Variants in ARHGAP32 observed in about 807,000 individuals in gnomAD.
ARHGAP32 encodes Rho GTPase activating protein 32.
ARHGAP32 carries 51 observed loss-of-function variants against 186.5 expected under a neutral mutation model. That is an observed-to-expected ratio of 0.27 (90% CI 0.22 to 0.35). The LOEUF is 0.35. ARHGAP32 is among the 10% of genes least tolerant of loss of function. ARHGAP32 has a pLI of 1.00. For synonymous variants in ARHGAP32, 950 were observed against 964.3 expected, an observed-to-expected ratio of 0.99 and a Z score of 0.27; for missense variants, 2,186 against 2,623.5, an observed-to-expected ratio of 0.83 and a Z score of 3.64.
At chr11:129,177,082 C>G (rs1287707262) in intron 1 of ARHGAP32, among the ~76,000 whole-genome samples, 1 of 150,980 alleles carries the variant, frequency 6.6e-6, no homozygotes, top group East Asian at 1.9e-4. Flanking sequence ...CAAATAGACG[C>G]AATAAAAAAT....
intron 1 of ARHGAP32, among the ~76,000 whole-genome samples, chr11:129,254,628 T>C (rs191886621): frequency 3.6e-4 from 55 of 152,244 alleles, no homozygotes; most frequent in Middle Eastern, 6.8e-3. Context: ...TAATTAATTC[T>C]TCCAAATAGA....
In ARHGAP32 at chr11:129,230,999, G is replaced by T. The variant is rs187783496; in HGVS notation, c.-5+48147C>A. On this transcript the variant is annotated intron_variant, in intron 1 of 6. Transcript: ENST00000525234. ...AAAATACAAAAATTAGCCGGCCATG[G>T]TGGTGGGTGCCTGTAATCCCAGCTA... is the stretch of plus-strand genomic sequence containing the variant. Among the ~76,000 whole-genome samples the T allele has an allele frequency of 2.5e-3, 383 of 152,194 alleles. 3 individuals are homozygous for T. The highest frequency in any genetic ancestry group is 8.8e-3 in the African/African-American group (366 of 41,504).
intron 12 of ARHGAP32, among the ~76,000 whole-genome samples, chr11:128,994,208 G>A (rs1231599606): frequency 6.6e-6 from 1 of 151,370 alleles, no homozygotes; most frequent in Non-Finnish European, 1.5e-5. Flanking sequence ...AGACTGGAGT[G>A]CAATAGCATG....
At chr11:129,181,379 C>T (rs955847955) in intron 1 of ARHGAP32, among the ~76,000 whole-genome samples, 14 of 152,134 alleles carry the variant, frequency 9.2e-5, no homozygotes, top group African/African-American at 2.4e-4. Flanking sequence ...GAGATATGTC[C>T]GAAGTGCTCA....
In ARHGAP32 at chr11:129,123,040, A is replaced by G. The variant is rs1163280881; in HGVS notation, c.444+406T>C. On this transcript the variant is annotated intron_variant, in intron 5 of 22. Coordinates refer to ENST00000682385, the MANE Select transcript of ARHGAP32 (RefSeq NM_001378024.1). The surrounding 1 kb of genome is among the most constrained non-coding windows in gnomAD (Gnocchi z 4.6). ...TTTGTATGTGAATGAAAAGGCAGTA[A>G]CAGTAAAAACATTTCTGAAAAAGAA... Among the ~76,000 whole-genome samples the G allele has an allele frequency of 6.6e-6, 1 of 152,136 alleles. No individual in the cohort carries two copies.
At chr11:129,039,757 G>A (rs575753808) in intron 11 of ARHGAP32, among the ~76,000 whole-genome samples, 12 of 152,210 alleles carry the variant, frequency 7.9e-5, no homozygotes, top group East Asian at 7.7e-4. Context: ...AAATAACGCC[G>A]TATTTTTAAA....
At chr11:128,998,636 TA>T (rs1946265115) in intron 11 of ARHGAP32, among the ~76,000 whole-genome samples, 168 bp from the exon 12 acceptor site, 1 of 152,230 alleles carries the variant, frequency 6.6e-6, no homozygotes, top group Non-Finnish European at 1.5e-5. Flanking sequence ...AGTTGTGTTA[TA>T]AATAACATCA....
intron 2 of ARHGAP32, among the ~76,000 whole-genome samples, chr11:129,145,779 C>A (rs939921689): frequency 2.0e-5 from 3 of 152,114 alleles, no homozygotes; most frequent in Non-Finnish European, 4.4e-5. Context: ...CTCCAACTAT[C>A]AGAGTTCTCA....
chr11:129,058,274 T>A (rs1178772049), intron 10 of ARHGAP32, among the ~76,000 whole-genome samples: 6 of 151,862 alleles, frequency 4.0e-5, no homozygotes, highest in Admixed American at 2.0e-4. Context: ...ATCATATATA[T>A]GTGATTATTT....
chr11:129,054,415 C>G (rs959674343), intron 10 of ARHGAP32, among the ~76,000 whole-genome samples: 25 of 152,256 alleles, frequency 1.6e-4, no homozygotes, highest in African/African-American at 6.0e-4. Context: ...TCTGAAAAAC[C>G]TGTTAAAATT....
chr11:129,083,543 T>C (rs560032933), intron 6 of ARHGAP32, among the ~76,000 whole-genome samples: 12 of 152,248 alleles, frequency 7.9e-5, no homozygotes, highest in African/African-American at 2.9e-4. Context: ...ATAAGAATGA[T>C]ACAATGGACT....
chr11:128,996,338 A>G (rs994708056), intron 12 of ARHGAP32, among the ~76,000 whole-genome samples: 1 of 152,182 alleles, frequency 6.6e-6, no homozygotes, highest in Admixed American at 6.5e-5. Context: ...ATTCTCATAC[A>G]CTGTAATAGC....
intron 5 of ARHGAP32, among the ~76,000 whole-genome samples, chr11:129,104,515 C>G (rs1354893657): frequency 6.6e-6 from 1 of 151,780 alleles, no homozygotes; most frequent in Non-Finnish European, 1.5e-5. Context: ...TTTCTATTTT[C>G]TGGTTTCCAA....
intron 1 of ARHGAP32, among the ~76,000 whole-genome samples, chr11:129,207,582 G>T (rs189889023): frequency 1.1e-3 from 162 of 151,020 alleles, no homozygotes; most frequent in African/African-American, 3.6e-3. Context: ...TTTTTTATGG[G>T]TTTTTTTTTA....
At chr11:129,250,923 G>A (rs1945173890) in intron 1 of ARHGAP32, among the ~76,000 whole-genome samples, 1 of 152,152 alleles carries the variant, frequency 6.6e-6, no homozygotes, top group Non-Finnish European at 1.5e-5. Context: ...CATAAGCAGT[G>A]TATGAATTCT....
intron 1 of ARHGAP32, among the ~76,000 whole-genome samples, chr11:129,277,163 G>C (rs1945541529): frequency 6.6e-6 from 1 of 151,934 alleles, no homozygotes; most frequent in Non-Finnish European, 1.5e-5. Context: ...GGTCAGCTTG[G>C]GAAGGAAAAC....
chr11:129,096,931 A>G (rs1409953364), intron 5 of ARHGAP32, among the ~76,000 whole-genome samples: 1 of 152,242 alleles, frequency 6.6e-6, no homozygotes, highest in Non-Finnish European at 1.5e-5. Context: ...TCTCAGAGAA[A>G]GGTACAGACT....
chr11:129,123,975 C>T lies in ARHGAP32; in HGVS notation c.318-46G>A. 1 of 1,251,768 alleles carries T rather than the reference C, an allele frequency of 8.0e-7. No individual in the cohort carries two copies. Among genetic ancestry groups the T allele is most frequent in the Non-Finnish European group, 1.0e-6 (1 of 957,046 alleles). The allele number at this position is 1,251,768 out of a possible 1,614,324, so 77.5% of individuals were successfully genotyped here. ...TTTATCCTTGTCTTTCCTCTACTTA[C>T]ACATGAAGCATAACTATCTAACTCT... On this transcript the variant is annotated intron_variant, in intron 3 of 22. Coordinates refer to ENST00000682385, the MANE Select transcript of ARHGAP32 (RefSeq NM_001378024.1). This position sits in a 1 kb window ranked among gnomAD's most constrained non-coding sequence, Gnocchi z 4.6.
At chr11:129,265,435 T>C (rs1839586583) in intron 1 of ARHGAP32, among the ~76,000 whole-genome samples, 2 of 152,196 alleles carry the variant, frequency 1.3e-5, no homozygotes, top group Non-Finnish European at 2.9e-5. Flanking sequence ...AGAATATAAA[T>C]GTGGAAAACA....
Sources: gnomAD v4.1 joint callset for allele counts (sites outside exome capture counted in the v4.1 genomes callset) on GRCh38, gnomAD v4.1.1 for gene constraint, Gnocchi (gnomAD v3.1) non-coding constraint, MANE v1.5 for transcripts, NCBI Gene and HGNC (gene_info 2026-07-23, HGNC 2026-07-21) for gene names.